The following KATNBL1 variants were observed in gnomAD, a reference collection of about 807,000 sequenced individuals.
KATNBL1 encodes katanin regulatory subunit B1 like 1, also known as KATNB1-like protein 1.
A neutral mutation model predicts 44.7 loss-of-function variants in KATNBL1; 28 were observed. The observed-to-expected ratio is 0.63, with a 90% CI of 0.46 to 0.86. The LOEUF (loss-of-function observed/expected upper bound fraction) is 0.86, where lower values mean the gene tolerates loss of function less well. Ranked by LOEUF, KATNBL1 falls within the 40% of genes least tolerant of loss-of-function variation. The pLI is 0.00. For missense variants in KATNBL1, 272 were observed against 350.7 expected (o/e 0.78, Z 1.79); for synonymous variants, 78 against 114.9 (o/e 0.68, Z 2.06).
intron 1 of KATNBL1, among the ~76,000 whole-genome samples, chr15:34,184,593 GAC>G (rs1383274238): frequency 1.3e-3 from 2 of 1,492 alleles, no homozygotes; most frequent in African/African-American, 2.8e-3. Context: ...TTTTTTTTGA[GAC>G]AGAGTCTCGC....
intron 2 of KATNBL1, among the ~76,000 whole-genome samples, chr15:34,156,151 G>C (rs10775222): frequency 0.56 from 84,594 of 151,974 alleles, 24,485 homozygotes; most frequent in East Asian, 0.71. Context: ...TGAGCTCTTG[G>C]AAAGTCTTAA....
At chr15:34,197,405 A>T (rs1175544176) in intron 1 of KATNBL1, among the ~76,000 whole-genome samples, 1 of 152,356 alleles carries the variant, frequency 6.6e-6, no homozygotes, top group East Asian at 1.9e-4. Context: ...GTGAGGATTA[A>T]ATAATCCACT....
intron 1 of KATNBL1, among the ~76,000 whole-genome samples, chr15:34,164,520 G>GAAAAAA (rs10648450): frequency 6.9e-6 from 1 of 144,158 alleles, no homozygotes. Context: ...CTCTACCTTT[G>GAAAAAA]AAAAAAAAAA....
In KATNBL1 at chr15:34,145,469, G is replaced by C. The variant is rs746821676; in HGVS notation, c.811C>G (p.Gln271Glu). The C allele has an allele frequency of 4.1e-6, 6 of 1,450,054 alleles. No homozygotes were observed. The highest frequency in any genetic ancestry group is 5.8e-5 in the Admixed American group (2 of 34,614). 89.8% of individuals were successfully genotyped at this position (1,450,054 alleles called of 1,614,324 possible). A position where few individuals can be genotyped will look rare whatever the true frequency, so the allele number is the denominator to read the frequency against. ...NDGNIQILKQ[Q>E]LSGLWEQENH... Reference sequence around the variant, plus strand: ...TCCTGTTCCCATAATCCACTTAATTGTTGTTTTAAAATTTGAATATTTCTA... The same window carrying C: ...TCCTGTTCCCATAATCCACTTAATTCTTGTTTTAAAATTTGAATATTTCTA... The change falls in exon 9 of 10, where the codon CAA (glutamine) becomes GAA (glutamate). Residue 271 changes from glutamine to glutamate, a missense_variant. Physicochemically the swap from Gln to Glu is conservative, Grantham distance 29 (BLOSUM62 2). Transcript: ENST00000256544.
At chr15:34,160,973 T>C (rs370204299) in intron 2 of KATNBL1, among the ~76,000 whole-genome samples, 2 of 152,314 alleles carry the variant, frequency 1.3e-5, no homozygotes, top group East Asian at 3.9e-4. Context: ...GCTTTATCCT[T>C]CTCTGGCTGC....
intron 1 of KATNBL1, among the ~76,000 whole-genome samples, chr15:34,206,735 G>A (rs998415798): frequency 1.7e-4 from 25 of 151,474 alleles, no homozygotes; most frequent in African/African-American, 6.1e-4. Flanking sequence ...AGGTTGTGGT[G>A]AGTCAAGATC....
intron 1 of KATNBL1, among the ~76,000 whole-genome samples, chr15:34,192,403 CAAA>C (rs199991134): frequency 1.9e-5 from 2 of 107,254 alleles, no homozygotes; most frequent in Non-Finnish European, 2.1e-5. Context: ...GACTCCATCT[CAAA>C]AAAAAAAAAA....
At chr15:34,150,569 G>T (rs2140905950) in intron 4 of KATNBL1, among the ~76,000 whole-genome samples, 1 of 152,302 alleles carries the variant, frequency 6.6e-6, no homozygotes, top group Admixed American at 6.5e-5. Flanking sequence ...ACCCCAGCCT[G>T]GGTGATAGAG....
chr15:34,204,801 A>C (rs1413961607), intron 1 of KATNBL1, among the ~76,000 whole-genome samples: 1 of 151,952 alleles, frequency 6.6e-6, no homozygotes, highest in Non-Finnish European at 1.5e-5. Flanking sequence ...AGGCCACTGT[A>C]AGGGAAAAGA....
chr15:34,148,872 C>A (rs1888387006), intron 4 of KATNBL1, 122 bp from the exon 5 acceptor site: 6 of 590,310 alleles, frequency 1.0e-5, no homozygotes, highest in African/African-American at 1.9e-5. Context: ...CTTTTACTAG[C>A]CCACAAAAAG....
At chr15:34,204,997 T>G (rs571932226) in intron 1 of KATNBL1, among the ~76,000 whole-genome samples, 1,561 of 151,978 alleles carry the variant, frequency 0.01, 23 homozygotes, top group Non-Finnish European at 0.018. Context: ...CAGTTTTTTT[T>G]TTTTTTTTTT....
chr15:34,180,554 G>A (rs999827671), intron 1 of KATNBL1, among the ~76,000 whole-genome samples: 15 of 152,002 alleles, frequency 9.9e-5, no homozygotes, highest in Non-Finnish European at 2.1e-4. Flanking sequence ...TATTTCTCTC[G>A]ACCCAGGTCT....
intron 1 of KATNBL1, among the ~76,000 whole-genome samples, chr15:34,168,256 A>T (rs1184853398): frequency 6.6e-6 from 1 of 152,186 alleles, no homozygotes; most frequent in Non-Finnish European, 1.5e-5. Flanking sequence ...CTTCCAAGTA[A>T]ATGGAAAGCA....
intron 1 of KATNBL1, among the ~76,000 whole-genome samples, chr15:34,177,561 T>C (rs1379035140): frequency 2.1e-5 from 3 of 143,562 alleles, no homozygotes; most frequent in African/African-American, 7.7e-5. Context: ...GGAGAATCAC[T>C]TGAGCCCGCG....
intron 9 of KATNBL1, among the ~76,000 whole-genome samples, chr15:34,143,966 C>CAAAAAAAAAAAAA (rs61591705): frequency 1.5e-5 from 1 of 66,404 alleles, no homozygotes; most frequent in African/African-American, 7.0e-5. Flanking sequence ...GATTCCATCT[C>CAAAAAAAAAAAAA]AAAAAAAAAA....
In KATNBL1 at chr15:34,141,896, A is replaced by AT. The variant is rs1263624416; in HGVS notation, c.*442dup. On this transcript the variant is annotated 3_prime_UTR_variant, in exon 10 of 10. Coordinates refer to ENST00000256544, the MANE Select transcript of KATNBL1 (RefSeq NM_024713.3). ...TCAACATAAGAAAATAGCTGCACAC[A>AT]TTTAAGTGTTTTTTTTTTTTAATAA... The AT allele has an allele frequency of 6.6e-6, 1 of 151,754 alleles. No individual in the cohort carries two copies. The highest frequency in any genetic ancestry group is 1.9e-4 in the East Asian group (1 of 5,184). 9.4% of individuals were successfully genotyped at this position (151,754 alleles called of 1,614,324 possible).
rs370717287 is a variant in KATNBL1 at position 34,164,921 on chromosome 15, C to G, written c.-14-1231G>C. On this transcript the variant is annotated intron_variant, in intron 1 of 9. Transcript: ENST00000256544. ...AAAGCAATTATATTTTTAAAAAGCTCCACAAGTATTTTTGAGGCATATTCT... is the reference window on the plus strand; with the variant it reads ...AAAGCAATTATATTTTTAAAAAGCTGCACAAGTATTTTTGAGGCATATTCT... 3.3e-5 allele frequency among the ~76,000 whole-genome samples: 5 copies of G among 152,278 alleles called. No individual in the cohort carries two copies. The South Asian group carries it at 1.0e-3, about 32-fold the overall frequency.
intron 9 of KATNBL1, among the ~76,000 whole-genome samples, chr15:34,143,664 T>C (rs897987640): frequency 3.3e-5 from 5 of 151,686 alleles, no homozygotes; most frequent in South Asian, 2.1e-4. Flanking sequence ...TTAAGAATTC[T>C]ATAGGCCAGG....
intron 1 of KATNBL1, among the ~76,000 whole-genome samples, chr15:34,165,747 T>G (rs1361791301): frequency 6.6e-6 from 1 of 152,094 alleles, no homozygotes; most frequent in Non-Finnish European, 1.5e-5. Flanking sequence ...TGAGCCAAGA[T>G]CATGCCACTG....
Sources: gnomAD v4.1 joint callset for allele counts (sites outside exome capture counted in the v4.1 genomes callset) on GRCh38, gnomAD v4.1.1 for gene constraint, MANE v1.5 for transcripts, NCBI Gene and HGNC (gene_info 2026-07-23, HGNC 2026-07-21) for gene names.